CNST: variants seen among roughly 807,000 people sequenced by gnomAD.
The protein encoded by CNST is consortin, connexin sorting protein.
Under a neutral mutation model 72.4 loss-of-function variants are expected in CNST, and 39 were observed. The observed-to-expected ratio is 0.54, with a 90% confidence interval of 0.42 to 0.70. The LOEUF is 0.70. CNST is among the 30% of genes least tolerant of loss of function. The probability of loss-of-function intolerance (pLI) is 0.00; values close to 1 mark genes in which losing one functional copy is unlikely to be tolerated. For synonymous variants in CNST, 332 were observed against 320.1 expected (o/e 1.04, Z -0.40); for missense variants, 871 against 868.5 (o/e 1.00, Z -0.04).
At chr1:246,613,441 T>C (rs1458822468) in intron 2 of CNST, among the ~76,000 whole-genome samples, 3 of 151,986 alleles carry the variant, frequency 2.0e-5, no homozygotes, top group South Asian at 4.1e-4. Context: ...TTTGTTTCAG[T>C]AATCGTCTCT....
chr1:246,634,976 C>G (rs7527428), intron 6 of CNST, among the ~76,000 whole-genome samples: 89 of 31,558 alleles, frequency 2.8e-3, no homozygotes, highest in Non-Finnish European at 3.1e-3. Context: ...GGCCGGGGTG[C>G]GTGTCTTCCG....
intron 1 of CNST, among the ~76,000 whole-genome samples, chr1:246,590,854 A>G (rs1572137016): frequency 7.8e-6 from 1 of 129,016 alleles, no homozygotes; most frequent in African/African-American, 2.6e-5. Flanking sequence ...AGAGTTAACC[A>G]TGGCCTTTTT....
intron 1 of CNST, among the ~76,000 whole-genome samples, chr1:246,583,139 C>T (rs1012390383): frequency 1.3e-5 from 2 of 152,150 alleles, no homozygotes; most frequent in Non-Finnish European, 2.9e-5. Flanking sequence ...TTTTGTGTCT[C>T]CTCTGGTCTT....
intron 3 of CNST, 64 bp downstream of exon 3, chr1:246,621,698 C>A (rs1451957282): frequency 2.2e-6 from 3 of 1,391,306 alleles, no homozygotes; most frequent in Non-Finnish European, 3.1e-6. Flanking sequence ...TTGGAATGAT[C>A]TAAAATGCTG....
At chr1:246,627,372 A>C (rs1403084477) in intron 3 of CNST, among the ~76,000 whole-genome samples, 3 of 152,178 alleles carry the variant, frequency 2.0e-5, no homozygotes, top group Non-Finnish European at 4.4e-5. Context: ...TGGCCTTCTG[A>C]CAGCTTCTCA....
intron 2 of CNST, among the ~76,000 whole-genome samples, chr1:246,612,980 A>G (rs959425613): frequency 6.6e-6 from 1 of 152,290 alleles, no homozygotes; most frequent in African/African-American, 2.4e-5. Flanking sequence ...GTTCTCGAGC[A>G]TTTATTATTT....
intron 2 of CNST, among the ~76,000 whole-genome samples, chr1:246,609,245 G>A (rs1189068848): frequency 6.6e-6 from 1 of 152,218 alleles, no homozygotes; most frequent in Non-Finnish European, 1.5e-5. Context: ...CCTGTTTGCT[G>A]CTTCGGTATG....
At chr1:246,634,675 G>A (rs978668219) in intron 6 of CNST, 88 bp downstream of exon 6, 2 of 728,196 alleles carry the variant, frequency 2.7e-6, no homozygotes, top group South Asian at 1.9e-5. Flanking sequence ...TTTGTTTTAT[G>A]TTTTCAACTG....
chr1:246,586,138 T>C (rs968160862), intron 1 of CNST, among the ~76,000 whole-genome samples: 11 of 149,382 alleles, frequency 7.4e-5, no homozygotes, highest in African/African-American at 2.7e-4. Context: ...TGTGTGTGTG[T>C]GTGTATATAT....
chr1:246,569,185 T>C (rs1659908045), intron 1 of CNST, among the ~76,000 whole-genome samples: 1 of 152,186 alleles, frequency 6.6e-6, no homozygotes, highest in Admixed American at 6.5e-5. Context: ...CTAGTAGTGG[T>C]ATTAAGAAAG....
chr1:246,596,413 AAAAG>A (rs920295173), intron 2 of CNST, among the ~76,000 whole-genome samples: 6 of 152,230 alleles, frequency 3.9e-5, no homozygotes, highest in South Asian at 2.1e-4. Context: ...AAAAAAAAGA[AAAAG>A]AAAAAATTTT....
intron 2 of CNST, among the ~76,000 whole-genome samples, chr1:246,601,038 C>T (rs1001451692): frequency 2.0e-5 from 3 of 152,148 alleles, no homozygotes; most frequent in African/African-American, 7.2e-5. Context: ...GGCATGGTGG[C>T]TCACACCTGT....
intron 6 of CNST, among the ~76,000 whole-genome samples, chr1:246,640,282 C>T (rs920681539): frequency 6.6e-6 from 1 of 152,078 alleles, no homozygotes; most frequent in African/African-American, 2.4e-5. Context: ...TTAGGGCTTT[C>T]GATTCAACTT....
intron 4 of CNST, among the ~76,000 whole-genome samples, chr1:246,633,375 G>A (rs1372914897): frequency 6.6e-6 from 1 of 152,034 alleles, no homozygotes. Context: ...CTTGAATCCA[G>A]GAGGGGGAGG....
chr1:246,572,861 C>A (rs1660150063), intron 1 of CNST, among the ~76,000 whole-genome samples: 2 of 152,004 alleles, frequency 1.3e-5, no homozygotes, highest in South Asian at 2.1e-4. Flanking sequence ...CTGCACCAGG[C>A]CTGAGTTATT....
intron 1 of CNST, among the ~76,000 whole-genome samples, chr1:246,586,016 G>T (rs1264984364): frequency 6.6e-6 from 1 of 151,220 alleles, no homozygotes. Flanking sequence ...GGAGTTCAAG[G>T]CTGCAATGAG....
intron 1 of CNST, among the ~76,000 whole-genome samples, chr1:246,573,018 G>T (rs116241669): frequency 0.015 from 2,317 of 152,296 alleles, 26 homozygotes; most frequent in Non-Finnish European, 0.026. Context: ...ATGAAAAGAG[G>T]GGTGGACGTT....
intron 4 of CNST, chr1:246,632,271 G>A (rs1158598501): frequency 9.9e-6 from 3 of 301,942 alleles, no homozygotes; most frequent in Admixed American, 7.1e-5. Flanking sequence ...TTAGCGGCAT[G>A]TTCTTTAGCC....
intron 9 of CNST, among the ~76,000 whole-genome samples, chr1:246,652,941 T>C (rs750377414): frequency 2.0e-5 from 3 of 151,554 alleles, no homozygotes; most frequent in Non-Finnish European, 2.9e-5. Context: ...GAGGCGGAGC[T>C]TGCAGTGAGC....
Sources: allele counts gnomAD v4.1 joint callset (sites outside exome capture counted in the v4.1 genomes callset), GRCh38; gene constraint gnomAD v4.1.1; transcripts MANE v1.5; gene names NCBI Gene and HGNC (gene_info 2026-07-23, HGNC 2026-07-21).